SBF2: variants seen among roughly 807,000 people sequenced by gnomAD.
SBF2 encodes the protein SET binding factor 2.
In SBF2, 112 loss-of-function variants were observed where a neutral mutation model predicts 225.2. That is an observed-to-expected ratio of 0.50 (90% CI 0.43 to 0.58). The LOEUF is 0.58. SBF2 is among the 20% of genes least tolerant of loss of function. The pLI, the probability that SBF2 is intolerant of heterozygous loss-of-function variation, is 0.00. For synonymous variants in SBF2, 763 were observed against 773.3 expected, an observed-to-expected ratio of 0.99 and a Z score of 0.22; for missense variants, 1,996 against 2,206.2, an observed-to-expected ratio of 0.90 and a Z score of 1.91.
At chr11:10,272,861 A>G (rs1463891407) in intron 1 of SBF2, among the ~76,000 whole-genome samples, 1 of 151,506 alleles carries the variant, frequency 6.6e-6, no homozygotes, top group Admixed American at 6.6e-5. Flanking sequence ...ACCTGAGGTC[A>G]AGAGTTCGAG....
intron 28 of SBF2, 142 bp downstream of exon 28, chr11:9,829,214 C>T: frequency 2.2e-6 from 2 of 910,350 alleles, no homozygotes; most frequent in Admixed American, 3.7e-5. Context: ...AGGAGTTAAA[C>T]TTATAACCCT....
chr11:10,284,998 T>TTATTTTG (rs1963654288), intron 1 of SBF2, among the ~76,000 whole-genome samples: 1 of 151,896 alleles, frequency 6.6e-6, no homozygotes, highest in Non-Finnish European at 1.5e-5. Flanking sequence ...GAAAAGACAC[T>TTATTTTG]TTAGGAACAA....
intron 1 of SBF2, among the ~76,000 whole-genome samples, chr11:10,268,946 G>A (rs1030924425): frequency 5.9e-5 from 9 of 152,178 alleles, no homozygotes; most frequent in Non-Finnish European, 1.0e-4. Flanking sequence ...TAGCATCTTC[G>A]TCTTCATGAA....
chr11:9,793,158 A>G (rs953753259), intron 33 of SBF2, among the ~76,000 whole-genome samples: 2 of 152,074 alleles, frequency 1.3e-5, no homozygotes, highest in African/African-American at 2.4e-5. Context: ...TAATCTTTCA[A>G]TATATACCAA....
chr11:10,090,310 T>A (rs1951725204), intron 2 of SBF2, among the ~76,000 whole-genome samples: 1 of 152,166 alleles, frequency 6.6e-6, no homozygotes, highest in Non-Finnish European at 1.5e-5. Context: ...CCATACACTT[T>A]AAAATGGTTA....
At chr11:9,781,892 T>C (rs936877475) in intron 38 of SBF2, among the ~76,000 whole-genome samples, 18 of 152,076 alleles carry the variant, frequency 1.2e-4, no homozygotes, top group Admixed American at 6.6e-5. Flanking sequence ...TCTTAAAAAA[T>C]AGAATCAAGG....
At chr11:9,866,239 AT>A (rs1200195087) in intron 17 of SBF2, among the ~76,000 whole-genome samples, 2 of 152,200 alleles carry the variant, frequency 1.3e-5, no homozygotes, top group African/African-American at 4.8e-5. Context: ...TAAAATTCAT[AT>A]GGAAACACAT....
In SBF2 at chr11:10,149,783, A is replaced by G. The variant is rs1955085860; in HGVS notation, c.141+44119T>C. On this transcript the variant is annotated intron_variant, in intron 2 of 39. Coordinates refer to ENST00000256190, the MANE Select transcript of SBF2 (RefSeq NM_030962.4). ...AAAGCTTCAGTGGCTTACACAACAAAAGTTTTCCCTCTTATGTCACAATCA... is the reference window on the plus strand; with the variant it reads ...AAAGCTTCAGTGGCTTACACAACAAGAGTTTTCCCTCTTATGTCACAATCA... Among the ~76,000 whole-genome samples, 3 of 152,038 alleles carry G rather than the reference A, an allele frequency of 2.0e-5. No homozygotes were observed. In the South Asian group the frequency reaches 6.2e-4, roughly 32 times the overall value.
intron 2 of SBF2, among the ~76,000 whole-genome samples, chr11:10,063,515 G>A (rs1950521787): frequency 6.6e-6 from 1 of 151,014 alleles, no homozygotes; most frequent in South Asian, 2.1e-4. Context: ...CCTGCACCAC[G>A]CCCAGCTATT....
intron 14 of SBF2, among the ~76,000 whole-genome samples, chr11:9,967,943 GTCTGTCTCTC>G (rs1346339064): frequency 9.5e-6 from 1 of 104,898 alleles, no homozygotes; most frequent in African/African-American, 3.7e-5. Context: ...CTGTCTGTCT[GTCTGTCTCTC>G]TCTCTCTCTC....
chr11:9,853,627 G>A lies in SBF2; in HGVS notation c.2449C>T (p.Arg817Trp), dbSNP rs747325449. 17 of 1,613,516 alleles carry A rather than the reference G, an allele frequency of 1.1e-5. No individual in the cohort carries two copies. Among genetic ancestry groups the A allele is most frequent in the African/African-American group, 1.3e-5 (1 of 74,874 alleles). Reference protein sequence around the residue: ...ENTDIANSVVRFITRFIDKVC... With the variant: ...ENTDIANSVVWFITRFIDKVC... The stretch of plus-strand genomic sequence containing the variant: ...TTGTCAATAAATCGGGTAATGAACC[G>A]CACAACAGAATTGGCAATGTCAGTA... Residue 817 changes from arginine (R) to tryptophan (W), a missense_variant, in exon 20 of 40, where the codon CGG becomes TGG. Arg to Trp is a moderately radical substitution (Grantham distance 101, BLOSUM62 -3). Transcript: ENST00000256190.
intron 28 of SBF2, among the ~76,000 whole-genome samples, chr11:9,822,641 C>A (rs988621369): frequency 6.6e-6 from 1 of 152,158 alleles, no homozygotes; most frequent in Non-Finnish European, 1.5e-5. Flanking sequence ...GGGACTGCTT[C>A]AGGGAAGATA....
chr11:9,835,267 C>G (rs1235000288), intron 26 of SBF2, among the ~76,000 whole-genome samples: 1 of 151,974 alleles, frequency 6.6e-6, no homozygotes, highest in Non-Finnish European at 1.5e-5. Flanking sequence ...TTGACCACTA[C>G]AAGCATCCAA....
intron 16 of SBF2, among the ~76,000 whole-genome samples, chr11:9,913,766 C>A (rs1478622847): frequency 1.3e-5 from 2 of 152,126 alleles, no homozygotes; most frequent in Non-Finnish European, 2.9e-5. Context: ...CACCAGAAAA[C>A]TAAGACCAAA....
intron 3 of SBF2, among the ~76,000 whole-genome samples, chr11:10,041,084 T>C (rs1285439662): frequency 6.6e-6 from 1 of 152,050 alleles, no homozygotes; most frequent in East Asian, 1.9e-4. Flanking sequence ...GTTAGTTTCA[T>C]TAGATAATTC....
intron 3 of SBF2, among the ~76,000 whole-genome samples, chr11:10,034,167 C>G (rs181079906): frequency 6.6e-6 from 1 of 152,174 alleles, no homozygotes; most frequent in Non-Finnish European, 1.5e-5. Flanking sequence ...CTCACATTGA[C>G]TTACAAGGTC....
rs1429150123 is a variant in SBF2, at chr11:10,175,160, A to C, written c.141+18742T>G. 2.7e-5 allele frequency among the ~76,000 whole-genome samples: 4 copies of C among 150,326 alleles called. No homozygotes were observed. The East Asian group carries it at 7.9e-4, about 30-fold the overall frequency. On this transcript the variant is annotated intron_variant, in intron 2 of 39. Transcript: ENST00000256190. Reference sequence around the variant, plus strand: ...TGACAGGATCAAATTCACACATAACAATATTAACTTTAAATGTAAATGGAC... The same window carrying C: ...TGACAGGATCAAATTCACACATAACCATATTAACTTTAAATGTAAATGGAC...
intron 2 of SBF2, among the ~76,000 whole-genome samples, chr11:10,164,142 T>G (rs1430315975): frequency 6.6e-6 from 1 of 152,168 alleles, no homozygotes; most frequent in Non-Finnish European, 1.5e-5. Flanking sequence ...TTCCCACTCA[T>G]ATTGTCACCA....
intron 2 of SBF2, among the ~76,000 whole-genome samples, chr11:10,061,327 G>A (rs1950436366): frequency 6.6e-6 from 1 of 151,868 alleles, no homozygotes; most frequent in African/African-American, 2.4e-5. Context: ...ACTTAATATT[G>A]GAATTCCCAG....
Sources: gnomAD v4.1 joint callset for allele counts (sites outside exome capture counted in the v4.1 genomes callset) on GRCh38, gnomAD v4.1.1 for gene constraint, MANE v1.5 for transcripts, NCBI Gene and HGNC (gene_info 2026-07-23, HGNC 2026-07-21) for gene names.